NBAS: variants seen among roughly 807,000 people sequenced by gnomAD.
NBAS encodes NAG/BC035112 fusion.
NBAS carries 219 observed loss-of-function variants against 302.5 expected under a neutral mutation model. The ratio of observed to expected loss-of-function variants is 0.72; its 90% CI spans 0.65 to 0.81. The LOEUF is 0.81. Ranked by LOEUF, NBAS falls within the 30% of genes least tolerant of loss-of-function variation. The pLI, the probability that NBAS is intolerant of heterozygous loss-of-function variation, is 0.00. For missense variants in NBAS, 2,932 were observed against 2,841.6 expected (o/e 1.03, Z -0.72); for synonymous variants, 1,118 against 1,021.6 (o/e 1.09, Z -1.80).
chr2:14,998,980 CAG>C, the NBAS span, among the ~76,000 whole-genome samples: 3 of 152,196 alleles, frequency 2.0e-5, no homozygotes, highest in African/African-American at 7.2e-5. Flanking sequence ...ATACAATGCT[CAG>C]GCACTGAGTG....
chr2:14,922,744 T>C, the NBAS span, among the ~76,000 whole-genome samples: 1 of 152,162 alleles, frequency 6.6e-6, no homozygotes, highest in Non-Finnish European at 1.5e-5. Context: ...AGCGAGACAG[T>C]AGGCTTTTTA....
At chr2:15,280,009 G>A (rs1669754282) in intron 42 of NBAS, among the ~76,000 whole-genome samples, 1 of 152,128 alleles carries the variant, frequency 6.6e-6, no homozygotes, top group Non-Finnish European at 1.5e-5. Flanking sequence ...ACCTGTTTAA[G>A]TGATTTTTCC....
intron 21 of NBAS, among the ~76,000 whole-genome samples, chr2:15,459,927 T>G (rs1047867625): frequency 2.0e-5 from 3 of 152,196 alleles, no homozygotes; most frequent in African/African-American, 7.2e-5. Context: ...ATATATAGAT[T>G]TCAGCATGCT....
chr2:14,792,134 C>A, the NBAS span, among the ~76,000 whole-genome samples: 1 of 152,058 alleles, frequency 6.6e-6, no homozygotes, highest in African/African-American at 2.4e-5. Flanking sequence ...ACCTGTTAAC[C>A]CAAGAAAACC....
chr2:15,191,638 C>G (rs73194935), intron 48 of NBAS, among the ~76,000 whole-genome samples: 1 of 152,070 alleles, frequency 6.6e-6, no homozygotes, highest in Non-Finnish European at 1.5e-5. Flanking sequence ...GGCCAACCAT[C>G]CCGGTGGCAC....
rs866091570 is a variant in NBAS, at chr2:15,541,939, G to A, written c.380-2583C>T. Among the ~76,000 whole-genome samples the A allele has an allele frequency of 1.2e-4, 7 of 57,032 alleles. 2 individuals are homozygous for A. The highest frequency in any genetic ancestry group is 8.3e-4 in the Admixed American group (5 of 6,012). 37.4% of individuals were successfully genotyped at this position (57,032 alleles called of 152,430 possible). A position where few individuals can be genotyped will look rare whatever the true frequency, so the allele number is the denominator to read the frequency against. On this transcript the variant is annotated intron_variant, in intron 6 of 51. Coordinates refer to ENST00000281513, the MANE Select transcript of NBAS (RefSeq NM_015909.4). Reference sequence around the variant, plus strand: ...AGCCCCCCGCCCGGCCAGCCGCCCCGTCCGGGAGGGAGGTGGGGGGGTCAG... The same window carrying A: ...AGCCCCCCGCCCGGCCAGCCGCCCCATCCGGGAGGGAGGTGGGGGGGTCAG...
intron 26 of NBAS, among the ~76,000 whole-genome samples, chr2:15,401,041 C>T (rs1657028953): frequency 6.6e-6 from 1 of 152,042 alleles, no homozygotes; most frequent in African/African-American, 2.4e-5. Context: ...TATTGGATCA[C>T]ATCAGGAGGC....
chr2:15,242,483 T>C (rs1667907988), intron 44 of NBAS, among the ~76,000 whole-genome samples: 3 of 152,178 alleles, frequency 2.0e-5, no homozygotes, highest in Admixed American at 1.3e-4. Flanking sequence ...TACTATACTT[T>C]GTAAAAACAG....
At chr2:14,838,420 G>A in the NBAS span, among the ~76,000 whole-genome samples, 44,811 of 151,430 alleles carry the variant, frequency 0.3, 7,138 homozygotes, top group East Asian at 0.4. Flanking sequence ...CAATTTTGTT[G>A]CAACACTTTT....
At chr2:15,334,593 T>A (rs1395110204) in intron 35 of NBAS, among the ~76,000 whole-genome samples, 1 of 152,240 alleles carries the variant, frequency 6.6e-6, no homozygotes, top group Non-Finnish European at 1.5e-5. Flanking sequence ...TTTAAGCTCA[T>A]TTATTTTTCT....
At chr2:15,238,343 G>C in intron 45 of NBAS, 125 bp downstream of exon 45, 1 of 898,586 alleles carries the variant, frequency 1.1e-6, no homozygotes, top group Non-Finnish European at 1.7e-6. Context: ...ATAAAGGCTT[G>C]CGGACAATTT....
chr2:14,978,151 G>A, the NBAS span, among the ~76,000 whole-genome samples: 1,580 of 151,836 alleles, frequency 0.01, 27 homozygotes, highest in African/African-American at 0.034. Flanking sequence ...AAAATTCCAC[G>A]TATTCCTTTA....
At chr2:15,431,420 A>C (rs934278856) in intron 21 of NBAS, among the ~76,000 whole-genome samples, 6 of 152,192 alleles carry the variant, frequency 3.9e-5, no homozygotes, top group African/African-American at 1.4e-4. Context: ...TCAAATGATA[A>C]CATTTGAGAA....
At position 15,292,595 on chromosome 2, in the gene NBAS, C is replaced by A. The variant is rs147763358; in HGVS notation, c.4969G>T (p.Val1657Leu). 6.2e-7 allele frequency: 1 copy of A among 1,614,042 alleles called. No homozygotes were observed. The highest frequency in any genetic ancestry group is 8.5e-7 in the Non-Finnish European group (1 of 1,180,034). ...ILQGLRKGVD[V>L]QRFTADDQYK... ...TGGTCATCTGCAGTAAACCGCTGCA[C>A]GTCCACACCCTTCCGAAGGCCCTGA... The change falls in exon 41 of 52, where the codon GTG (valine) becomes TTG (leucine). Residue 1657 changes from valine to leucine, a missense_variant. Transcript: ENST00000281513.
chr2:15,220,857 CT>C (rs200596646), intron 47 of NBAS, among the ~76,000 whole-genome samples: 70 of 148,756 alleles, frequency 4.7e-4, no homozygotes, highest in South Asian at 4.3e-3. Flanking sequence ...GATTACAAGT[CT>C]TTTTTTTTTA....
the NBAS span, among the ~76,000 whole-genome samples, chr2:15,152,431 C>T: frequency 1.9e-4 from 29 of 152,228 alleles, no homozygotes; most frequent in Non-Finnish European, 3.5e-4. Context: ...TGCAACCTAA[C>T]TTAGGATGTA....
chr2:15,223,756 G>A (rs1572478420), intron 47 of NBAS, among the ~76,000 whole-genome samples: 2 of 151,576 alleles, frequency 1.3e-5, no homozygotes, highest in Non-Finnish European at 2.9e-5. Flanking sequence ...TTGAACTAGG[G>A]AGTCAGAGGT....
the NBAS span, among the ~76,000 whole-genome samples, chr2:15,040,634 T>C: frequency 0.82 from 125,200 of 152,208 alleles, 51,833 homozygotes; most frequent in East Asian, 0.99. Context: ...CTCGTGGCAA[T>C]CTGCCAGTTC....
chr2:15,466,842 G>A (rs933238947), intron 19 of NBAS, among the ~76,000 whole-genome samples: 1 of 151,302 alleles, frequency 6.6e-6, no homozygotes, highest in African/African-American at 2.4e-5. Flanking sequence ...GAGGCTAAGG[G>A]ATGAGAATCG....
Sources: gnomAD v4.1 joint callset for allele counts (sites outside exome capture counted in the v4.1 genomes callset) on GRCh38, gnomAD v4.1.1 for gene constraint, MANE v1.5 for transcripts, NCBI Gene and HGNC (gene_info 2026-07-23, HGNC 2026-07-21) for gene names.